GRID2: variants seen among roughly 807,000 people sequenced by gnomAD.
GRID2 encodes glutamate ionotropic receptor delta type subunit 2.
In GRID2, 33 loss-of-function variants were observed where a neutral mutation model predicts 114.8. That is an observed-to-expected ratio of 0.29 (90% confidence interval 0.22 to 0.38). The LOEUF (loss-of-function observed/expected upper bound fraction) is 0.38, where lower values mean the gene tolerates loss of function less well. GRID2 is among the 10% of genes least tolerant of loss of function. The probability of loss-of-function intolerance (pLI) is 1.00; values close to 1 mark genes in which losing one functional copy is unlikely to be tolerated. For synonymous variants in GRID2, 505 were observed against 449.9 expected (o/e 1.12, Z -1.55); for missense variants, 1,184 against 1,257.7 (o/e 0.94, Z 0.89).
intron 2 of GRID2, among the ~76,000 whole-genome samples, chr4:92,673,298 G>A (rs1172707247): frequency 6.6e-6 from 1 of 152,112 alleles, no homozygotes; most frequent in Non-Finnish European, 1.5e-5. Flanking sequence ...CTGTAGCAGT[G>A]TATTCCCATT....
In GRID2 at chr4:92,587,098, C is replaced by CTGTGTGTGTG. The variant is rs70942914; in HGVS notation, c.89-2999_89-2990dup. Among the ~76,000 whole-genome samples the CTGTGTGTGTG allele has an allele frequency of 7.8e-3, 1,041 of 133,812 alleles. 14 individuals carry two copies. The highest frequency in any genetic ancestry group is 0.026 in the African/African-American group (956 of 36,450). 87.8% of individuals were successfully genotyped at this position (133,812 alleles called of 152,430 possible). Reference sequence around the variant, plus strand: ...ATATATAGAGAGTACTGATGAAATGCTGTGTGTGTGTGTGTGTGTGTGTGT... The same window carrying CTGTGTGTGTG: ...ATATATAGAGAGTACTGATGAAATGCTGTGTGTGTGTGTGTGTGTGTGTGTGTGTGTGTGT... On this transcript the variant is annotated intron_variant, in intron 1 of 15. Coordinates refer to ENST00000282020, the MANE Select transcript of GRID2 (RefSeq NM_001510.4).
intron 2 of GRID2, among the ~76,000 whole-genome samples, chr4:92,597,468 C>G (rs1463431627): frequency 6.6e-6 from 1 of 152,116 alleles, no homozygotes; most frequent in African/African-American, 2.4e-5. Flanking sequence ...TTTTACCTCA[C>G]TATCTACAAT....
intron 9 of GRID2, among the ~76,000 whole-genome samples, chr4:93,416,839 C>T (rs752080335): frequency 6.6e-6 from 1 of 152,050 alleles, no homozygotes; most frequent in African/African-American, 2.4e-5. Flanking sequence ...TGAAAATTAT[C>T]AGCCACTGAA....
intron 12 of GRID2, among the ~76,000 whole-genome samples, chr4:93,502,253 C>A (rs1728183326): frequency 6.6e-6 from 1 of 152,104 alleles, no homozygotes; most frequent in South Asian, 2.1e-4. Context: ...AACTACTTTG[C>A]ACTTCAGTTT....
rs546432062 is a variant in GRID2 at position 93,250,692 on chromosome 4, T to C, written c.1245+12202T>C. 2.7e-5 allele frequency among the ~76,000 whole-genome samples: 4 copies of C among 146,884 alleles called. No homozygotes were observed. The East Asian group carries it at 7.8e-4, about 29-fold the overall frequency. ...ATATATTTTATATATTATATATATA[T>C]AAAATGTGCATGCGTATATATGTTT... On this transcript the variant is annotated intron_variant, in intron 8 of 15. Transcript: ENST00000282020.
At chr4:92,536,421 C>T (rs935671523) in intron 1 of GRID2, among the ~76,000 whole-genome samples, 2 of 152,156 alleles carry the variant, frequency 1.3e-5, no homozygotes, top group African/African-American at 4.8e-5. Flanking sequence ...GGCTTCACCT[C>T]TCACTACGTT....
chr4:92,416,781 G>A (rs1381853871), intron 1 of GRID2, among the ~76,000 whole-genome samples: 4 of 152,004 alleles, frequency 2.6e-5, no homozygotes, highest in Non-Finnish European at 5.9e-5. Flanking sequence ...TTTTATACCA[G>A]TACCATGCTG....
chr4:92,309,155 T>C (rs552069177), intron 1 of GRID2, among the ~76,000 whole-genome samples: 1 of 152,146 alleles, frequency 6.6e-6, no homozygotes, highest in African/African-American at 2.4e-5. Context: ...ACTTTTGATT[T>C]ATTAAAAAAT....
At chr4:93,677,156 C>A (rs1724963179) in intron 14 of GRID2, among the ~76,000 whole-genome samples, 1 of 152,188 alleles carries the variant, frequency 6.6e-6, no homozygotes, top group Admixed American at 6.5e-5. Flanking sequence ...GGTCCTATGC[C>A]CACGGAGGCT....
chr4:93,695,499 T>A (rs1317941416), intron 14 of GRID2, among the ~76,000 whole-genome samples: 1 of 152,190 alleles, frequency 6.6e-6, no homozygotes, highest in Non-Finnish European at 1.5e-5. Flanking sequence ...ACCAGAGGAA[T>A]CATCAAAAGG....
intron 9 of GRID2, among the ~76,000 whole-genome samples, chr4:93,414,516 C>T (rs1426225027): frequency 6.6e-6 from 1 of 152,054 alleles, no homozygotes; most frequent in Non-Finnish European, 1.5e-5. Context: ...GTCTCTTAAA[C>T]AAGTCAGAGA....
At chr4:92,826,810 T>C (rs942882731) in intron 2 of GRID2, among the ~76,000 whole-genome samples, 15 of 152,254 alleles carry the variant, frequency 9.9e-5, no homozygotes, top group African/African-American at 3.6e-4. Flanking sequence ...GAGTTTTTCA[T>C]ATAACAATTA....
At chr4:92,979,798 A>G (rs1754082001) in intron 2 of GRID2, among the ~76,000 whole-genome samples, 1 of 152,146 alleles carries the variant, frequency 6.6e-6, no homozygotes, top group Non-Finnish European at 1.5e-5. Context: ...TTGCTTGTGC[A>G]TTTTGTTACC....
intron 14 of GRID2, among the ~76,000 whole-genome samples, chr4:93,734,566 T>A (rs148998961): frequency 3.0e-4 from 46 of 152,086 alleles, no homozygotes; most frequent in Admixed American, 2.2e-3. Context: ...TGTTAGCATA[T>A]CAAAAAATGA....
chr4:93,393,786 AGTTGGTG>A (rs1765075243), intron 8 of GRID2, among the ~76,000 whole-genome samples: 1 of 152,058 alleles, frequency 6.6e-6, no homozygotes, highest in African/African-American at 2.4e-5. Flanking sequence ...GGTACAGTCA[AGTTGGTG>A]CTAATAGATG....
chr4:93,009,341 C>T (rs775422529), intron 2 of GRID2, among the ~76,000 whole-genome samples: 19 of 151,978 alleles, frequency 1.3e-4, no homozygotes, highest in African/African-American at 4.6e-4. Context: ...CTGCTTTGTA[C>T]GGAGTGAAAA....
intron 4 of GRID2, among the ~76,000 whole-genome samples, chr4:93,121,691 G>C (rs1733795722): frequency 6.6e-6 from 1 of 152,112 alleles, no homozygotes. Context: ...CATAAGGCAT[G>C]TTACATATTA....
intron 14 of GRID2, among the ~76,000 whole-genome samples, chr4:93,749,788 C>G (rs1025049431): frequency 1.3e-5 from 2 of 152,194 alleles, no homozygotes; most frequent in African/African-American, 4.8e-5. Flanking sequence ...CTCTCCATCT[C>G]TTAGCCAAAA....
At chr4:92,525,549 A>C (rs768907542) in intron 1 of GRID2, among the ~76,000 whole-genome samples, 4 of 152,120 alleles carry the variant, frequency 2.6e-5, no homozygotes, top group East Asian at 1.9e-4. Flanking sequence ...GAGAAAAAAG[A>C]AGCAGAGATT....
Sources: allele counts gnomAD v4.1 joint callset (sites outside exome capture counted in the v4.1 genomes callset), GRCh38; gene constraint gnomAD v4.1.1; transcripts MANE v1.5; gene names NCBI Gene and HGNC (gene_info 2026-07-23, HGNC 2026-07-21).